Variants in RGS21 observed in about 807,000 individuals in gnomAD.
The protein encoded by RGS21 is regulator of G protein signaling 21.
A neutral mutation model predicts 18.7 loss-of-function variants in RGS21; 19 were observed. That is an observed-to-expected ratio of 1.01 (90% CI 0.71 to 1.49). RGS21 has a LOEUF of 1.49. RGS21 is among the 40% of genes most tolerant of loss of function. The pLI is 0.00. For synonymous variants in RGS21, 56 were observed against 57.8 expected (o/e 0.97, Z 0.14); for missense variants, 194 against 176.8 (o/e 1.10, Z -0.55).
chr1:192,338,185 C>G (rs1658801397), intron 1 of RGS21, among the ~76,000 whole-genome samples: 1 of 152,202 alleles, frequency 6.6e-6, no homozygotes, highest in South Asian at 2.1e-4. Flanking sequence ...TCTAACTTCT[C>G]CATTAGAACC....
chr1:192,326,626 A>G (rs1658571878), intron 1 of RGS21, among the ~76,000 whole-genome samples: 1 of 152,142 alleles, frequency 6.6e-6, no homozygotes, highest in South Asian at 2.1e-4. Context: ...GTGAAATACA[A>G]TTTTCTCAGT....
Position 192,366,253 on chromosome 1 carries a change from G to A in RGS21, c.*129G>A, listed in dbSNP as rs914196934. On this transcript the variant is annotated 3_prime_UTR_variant, in exon 5 of 5. Transcript: ENST00000417209. ...TTTTTTACCCAAACAGATGAATAAC[G>A]TTTTATACAACAAGCCTGAATTTCT... 3.5e-5 allele frequency: 22 copies of A among 636,804 alleles called. No homozygotes were observed. Among genetic ancestry groups the A allele is most frequent in the African/African-American group, 1.7e-4 (9 of 53,710 alleles). The allele number at this position is 636,804 out of a possible 1,614,324, so 39.4% of individuals were successfully genotyped here. A position where few individuals can be genotyped will look rare whatever the true frequency, so the allele number is the denominator to read the frequency against.
intron 4 of RGS21, 26 bp from the exon 5 acceptor site, chr1:192,365,895 A>G (rs753282110): frequency 7.7e-7 from 1 of 1,294,874 alleles, no homozygotes; most frequent in Non-Finnish European, 1.1e-6. Flanking sequence ...AACTAATTCA[A>G]TGATATGCAA....
chr1:192,333,034 G>A (rs185865489), intron 1 of RGS21, among the ~76,000 whole-genome samples: 1 of 151,784 alleles, frequency 6.6e-6, no homozygotes, highest in Non-Finnish European at 1.5e-5. Flanking sequence ...TCATTGAAGA[G>A]AACACATAGA....
chr1:192,361,921 A>G (rs1163321308), intron 4 of RGS21, among the ~76,000 whole-genome samples: 1 of 152,168 alleles, frequency 6.6e-6, no homozygotes, highest in East Asian at 1.9e-4. Context: ...TCTGTGAACA[A>G]GGAAGGCTTC....
Position 192,324,866 on chromosome 1 carries a change from C to G in RGS21, c.-61+7761C>G, listed in dbSNP as rs544994997. Among the ~76,000 whole-genome samples, 78 of 152,068 alleles carry G rather than the reference C, an allele frequency of 5.1e-4. 1 individual carries two copies. The highest frequency in any genetic ancestry group is 1.7e-3 in the African/African-American group (72 of 41,518). ...ACAAATGTCTTAGTAACATGGTAAT[C>G]ATTCAGAAGCTTAATTGAAAAATAG... On this transcript the variant is annotated intron_variant, in intron 1 of 4. Coordinates refer to ENST00000417209, the MANE Select transcript of RGS21 (RefSeq NM_001039152.3).
intron 1 of RGS21, among the ~76,000 whole-genome samples, chr1:192,339,374 T>C (rs999758211): frequency 1.3e-5 from 2 of 152,132 alleles, no homozygotes; most frequent in African/African-American, 2.4e-5. Flanking sequence ...CTTAGGTTAA[T>C]AGTGGGGTCT....
At chr1:192,344,837 T>C (rs1055378007) in intron 2 of RGS21, among the ~76,000 whole-genome samples, 1 of 152,100 alleles carries the variant, frequency 6.6e-6, no homozygotes, top group African/African-American at 2.4e-5. Flanking sequence ...GAGGTACTCC[T>C]TCAGAGCCGA....
At chr1:192,353,159 A>G (rs1256277855) in intron 4 of RGS21, among the ~76,000 whole-genome samples, 2 of 152,010 alleles carry the variant, frequency 1.3e-5, no homozygotes, top group African/African-American at 2.4e-5. Flanking sequence ...GGTTGTACTT[A>G]TAGGAAAAAA....
intron 4 of RGS21, among the ~76,000 whole-genome samples, chr1:192,353,910 TATTAG>T (rs1659078494): frequency 1.3e-5 from 2 of 151,766 alleles, no homozygotes; most frequent in Admixed American, 6.6e-5. Context: ...CTAAAAATGC[TATTAG>T]ATATTACCAA....
In RGS21 at chr1:192,348,424, C is replaced by T. The variant is rs931899360; in HGVS notation, c.88+1035C>T. ...AAATTTAAATAAATCACTTGTTTCACATGTACTGTTGGTCAAAATAAAAAA... is the reference window on the plus strand; with the variant it reads ...AAATTTAAATAAATCACTTGTTTCATATGTACTGTTGGTCAAAATAAAAAA... On this transcript the variant is annotated intron_variant, in intron 3 of 4. Transcript: ENST00000417209. Among the ~76,000 whole-genome samples, 13 of 152,112 alleles carry T rather than the reference C, an allele frequency of 8.5e-5. No individual in the cohort carries two copies. In the East Asian group the frequency reaches 1.9e-3, roughly 23 times the overall value.
intron 4 of RGS21, among the ~76,000 whole-genome samples, chr1:192,355,631 G>T (rs560789791): frequency 6.6e-6 from 1 of 151,446 alleles, no homozygotes; most frequent in Non-Finnish European, 1.5e-5. Flanking sequence ...TCTCTACTTT[G>T]TACATACTAA....
rs998558973 is a variant in RGS21 at position 192,367,155 on chromosome 1, A to G, written c.*1031A>G. The G allele has an allele frequency of 3.9e-5, 6 of 152,022 alleles. No homozygotes were observed. Among genetic ancestry groups the G allele is most frequent in the Non-Finnish European group, 8.8e-5 (6 of 67,972 alleles). 9.4% of individuals were successfully genotyped at this position (152,022 alleles called of 1,614,324 possible). ...TATCTGCATTGATATTTCTGCTTTT[A>G]GATTGTTTGAACATTAAAAAATGGA... is the stretch of plus-strand genomic sequence containing the variant. On this transcript the variant is annotated 3_prime_UTR_variant, in exon 5 of 5. Coordinates refer to ENST00000417209, the MANE Select transcript of RGS21 (RefSeq NM_001039152.3).
intron 3 of RGS21, among the ~76,000 whole-genome samples, chr1:192,347,895 G>C (rs1191750976): frequency 1.3e-5 from 2 of 151,916 alleles, no homozygotes; most frequent in African/African-American, 4.8e-5. Context: ...CCTGACCTCA[G>C]GTGATCCACC....
intron 4 of RGS21, among the ~76,000 whole-genome samples, chr1:192,363,956 A>T (rs1360702486): frequency 6.6e-6 from 1 of 152,176 alleles, no homozygotes; most frequent in Non-Finnish European, 1.5e-5. Flanking sequence ...CAAATACAGC[A>T]GCATCTTGTA....
intron 3 of RGS21, among the ~76,000 whole-genome samples, chr1:192,351,680 TAA>T (rs1242343512): frequency 6.8e-6 from 1 of 147,962 alleles, no homozygotes; most frequent in Non-Finnish European, 1.5e-5. Flanking sequence ...ATAACACATA[TAA>T]TATATATGCT....
Position 192,333,649 on chromosome 1 carries a change from A to G in RGS21, c.-60-9328A>G, listed in dbSNP as rs986822520. On this transcript the variant is annotated intron_variant, in intron 1 of 4. Coordinates refer to ENST00000417209, the MANE Select transcript of RGS21 (RefSeq NM_001039152.3). ...ATGACAAAAAAAAAAAAAAAAAAAA[A>G]AAAAAAAGAGATGAGTGGTTTCCAG... Among the ~76,000 whole-genome samples, 724 of 134,372 alleles carry G rather than the reference A, an allele frequency of 5.4e-3. 11 individuals carry two copies. The highest frequency in any genetic ancestry group is 0.019 in the African/African-American group (692 of 35,714). 88.2% of individuals were successfully genotyped at this position (134,372 alleles called of 152,430 possible).
In RGS21 at chr1:192,318,881, C is replaced by T. The variant is rs117623542; in HGVS notation, c.-61+1776C>T. Among the ~76,000 whole-genome samples the T allele has an allele frequency of 4.9e-4, 74 of 152,050 alleles. No individual in the cohort carries two copies. In the East Asian group the frequency reaches 0.014, roughly 29 times the overall value. ...AAAGATGGGAATAATTTTATGTAGTCACGGTGTCTATCTGTAAATCAATAA... is the reference window on the plus strand; with the variant it reads ...AAAGATGGGAATAATTTTATGTAGTTACGGTGTCTATCTGTAAATCAATAA... On this transcript the variant is annotated intron_variant, in intron 1 of 4. Coordinates refer to ENST00000417209, the MANE Select transcript of RGS21 (RefSeq NM_001039152.3).
chr1:192,336,252 C>T (rs1405510303), intron 1 of RGS21, among the ~76,000 whole-genome samples: 1 of 152,002 alleles, frequency 6.6e-6, no homozygotes, highest in African/African-American at 2.4e-5. Context: ...GTCAGGAGAT[C>T]GAGACCAGCC....
Sources: gnomAD v4.1 joint callset for allele counts (sites outside exome capture counted in the v4.1 genomes callset) on GRCh38, gnomAD v4.1.1 for gene constraint, MANE v1.5 for transcripts, NCBI Gene and HGNC (gene_info 2026-07-23, HGNC 2026-07-21) for gene names.